OSBPL1A: variants seen among roughly 807,000 people sequenced by gnomAD.
OSBPL1A encodes oxysterol binding protein like 1A, also known as oxysterol-binding protein-related protein 1.
OSBPL1A carries 80 observed loss-of-function variants against 137.1 expected under a neutral mutation model. The ratio of observed to expected loss-of-function variants is 0.58; its 90% CI spans 0.49 to 0.70. The LOEUF (loss-of-function observed/expected upper bound fraction) is 0.70. Among genes scored for constraint, OSBPL1A ranks in the 30% least tolerant of loss-of-function variants. The pLI is 0.00. For missense variants in OSBPL1A, 970 were observed against 1,129.4 expected, an observed-to-expected ratio of 0.86 and a Z score of 2.02; for synonymous variants, 365 against 389.7, an observed-to-expected ratio of 0.94 and a Z score of 0.75.
At chr18:24,242,293 AAAAC>A (rs112679194) in intron 15 of OSBPL1A, among the ~76,000 whole-genome samples, 21 of 146,844 alleles carry the variant, frequency 1.4e-4, no homozygotes, top group African/African-American at 3.5e-4. Flanking sequence ...AAGTATAATT[AAAAC>A]AAACAAACAA....
At chr18:24,346,821 G>T (rs1013555548) in intron 4 of OSBPL1A, among the ~76,000 whole-genome samples, 18 of 151,988 alleles carry the variant, frequency 1.2e-4, no homozygotes, top group African/African-American at 4.1e-4. Context: ...AGTCACTGCA[G>T]CCTCAAGCTC....
chr18:24,343,610 TAAAG>T (rs1482261442), intron 4 of OSBPL1A, among the ~76,000 whole-genome samples: 3 of 152,178 alleles, frequency 2.0e-5, no homozygotes, highest in African/African-American at 7.2e-5. Context: ...GGTACTGGCA[TAAAG>T]ATAGACACAC....
chr18:24,339,353 A>G (rs1317879040), intron 5 of OSBPL1A, among the ~76,000 whole-genome samples: 1 of 152,168 alleles, frequency 6.6e-6, no homozygotes, highest in Non-Finnish European at 1.5e-5. Context: ...GTAATTTGCC[A>G]ATGATCCATT....
intron 21 of OSBPL1A, among the ~76,000 whole-genome samples, chr18:24,174,088 C>A (rs1294660214): frequency 6.6e-6 from 1 of 152,192 alleles, no homozygotes; most frequent in Non-Finnish European, 1.5e-5. Flanking sequence ...GAGTAGGATT[C>A]CGCTGTATGG....
chr18:24,229,462 A>G (rs2088198460), intron 16 of OSBPL1A, among the ~76,000 whole-genome samples: 2 of 152,232 alleles, frequency 1.3e-5, no homozygotes, highest in Non-Finnish European at 2.9e-5. Flanking sequence ...TGTGTGAAAT[A>G]GTTTGGGCTT....
At chr18:24,195,799 G>T (rs2087013376) in intron 18 of OSBPL1A, among the ~76,000 whole-genome samples, 1 of 152,230 alleles carries the variant, frequency 6.6e-6, no homozygotes, top group East Asian at 1.9e-4. Flanking sequence ...GTGAAATTCT[G>T]TTCTCCACTG....
intron 4 of OSBPL1A, among the ~76,000 whole-genome samples, chr18:24,362,153 G>C (rs1288230947): frequency 6.6e-6 from 1 of 152,088 alleles, no homozygotes; most frequent in Admixed American, 6.5e-5. Flanking sequence ...TATTACATTT[G>C]AGTAGCACTT....
At position 24,377,458 on chromosome 18, in the gene OSBPL1A, C is replaced by G. The variant is rs59473213; in HGVS notation, c.76G>C (p.Glu26Gln). 2.5e-6 allele frequency: 4 copies of G among 1,612,508 alleles called. No individual in the cohort carries two copies. Among genetic ancestry groups the G allele is most frequent in the Non-Finnish European group, 3.4e-6 (4 of 1,179,722 alleles). Residue 26 changes from glutamate (E) to glutamine (Q), a missense_variant, in exon 2 of 28, where the codon GAG (glutamate) becomes CAG (glutamine). Physicochemically the swap from Glu to Gln is conservative, Grantham distance 29. Coordinates refer to ENST00000319481, the MANE Select transcript of OSBPL1A (RefSeq NM_080597.4). ...GNAEEVRQLL[E>Q]TMARNEVIAD... ...ATCACTTCATTCCTCGCCATGGTCT[C>G]TAATAGTTGTCTTACTTCTTCAGCA...
At chr18:24,174,978 T>C (rs1220591610) in intron 21 of OSBPL1A, among the ~76,000 whole-genome samples, 1 of 151,048 alleles carries the variant, frequency 6.6e-6, no homozygotes, top group East Asian at 1.9e-4. Flanking sequence ...GGATTTTCAC[T>C]ATGTTGCCTA....
chr18:24,375,767 A>G (rs1333353752), intron 2 of OSBPL1A, among the ~76,000 whole-genome samples: 1 of 152,212 alleles, frequency 6.6e-6, no homozygotes. Context: ...CTTCATCATT[A>G]TCTCCAAGAC....
At chr18:24,286,582 T>A (rs961638311) in intron 14 of OSBPL1A, among the ~76,000 whole-genome samples, 4 of 152,180 alleles carry the variant, frequency 2.6e-5, no homozygotes, top group Non-Finnish European at 5.9e-5. Context: ...TTAAAAAATA[T>A]TAAAATTTCA....
At chr18:24,243,916 T>C (rs1338554886) in intron 15 of OSBPL1A, among the ~76,000 whole-genome samples, 1 of 152,252 alleles carries the variant, frequency 6.6e-6, no homozygotes, top group Non-Finnish European at 1.5e-5. Flanking sequence ...TGAGTTTTCT[T>C]GATACTTTAG....
At chr18:24,233,327 C>T (rs1363196844) in intron 16 of OSBPL1A, among the ~76,000 whole-genome samples, 5 of 152,258 alleles carry the variant, frequency 3.3e-5, no homozygotes, top group South Asian at 4.2e-4. Context: ...TTACTGTAAA[C>T]CCCTTGGGAA....
intron 9 of OSBPL1A, among the ~76,000 whole-genome samples, chr18:24,318,246 C>A (rs1055884370): frequency 6.6e-6 from 1 of 151,950 alleles, no homozygotes; most frequent in Non-Finnish European, 1.5e-5. Context: ...GAGTTCAAGA[C>A]CAGCCTGGCC....
At chr18:24,358,944 C>T (rs1455971352) in intron 4 of OSBPL1A, among the ~76,000 whole-genome samples, 5 of 152,000 alleles carry the variant, frequency 3.3e-5, no homozygotes, top group East Asian at 1.9e-4. Context: ...TGGCTGGGCA[C>T]GGTGGCTCAT....
At chr18:24,329,137 C>T (rs957015397) in intron 7 of OSBPL1A, among the ~76,000 whole-genome samples, 10 of 152,148 alleles carry the variant, frequency 6.6e-5, no homozygotes, top group African/African-American at 1.7e-4. Flanking sequence ...GTCCCAGCTA[C>T]GTAGGAGGCT....
At chr18:24,320,034 G>A (rs1238821066) in intron 7 of OSBPL1A, among the ~76,000 whole-genome samples, 1 of 151,556 alleles carries the variant, frequency 6.6e-6, no homozygotes, top group African/African-American at 2.4e-5. Context: ...TGTGCCTACA[G>A]TCCCAGCTAC....
intron 18 of OSBPL1A, among the ~76,000 whole-genome samples, chr18:24,185,150 G>T (rs1331076173): frequency 6.6e-6 from 1 of 152,074 alleles, no homozygotes; most frequent in East Asian, 1.9e-4. Context: ...GTTGCCCAGG[G>T]TAAGGGGGAG....
chr18:24,295,715 T>G (rs974102649), intron 14 of OSBPL1A, among the ~76,000 whole-genome samples: 46 of 152,186 alleles, frequency 3.0e-4, no homozygotes, highest in African/African-American at 1.1e-3. Context: ...CTTTCCCCAA[T>G]TTATGTTTTT....
Sources: allele counts gnomAD v4.1 joint callset (sites outside exome capture counted in the v4.1 genomes callset), GRCh38; gene constraint gnomAD v4.1.1; transcripts MANE v1.5; gene names NCBI Gene and HGNC (gene_info 2026-07-23, HGNC 2026-07-21).